Variants in TMEM135 observed in about 807,000 individuals in gnomAD.
The protein encoded by TMEM135 is peroxisomal membrane protein 52.
A neutral mutation model predicts 60.3 loss-of-function variants in TMEM135; 30 were observed. That is an observed-to-expected ratio of 0.50 (90% confidence interval 0.37 to 0.68). The LOEUF is 0.68. TMEM135 is among the 30% of genes least tolerant of loss of function. The probability of loss-of-function intolerance (pLI) is 0.00; values close to 1 mark genes in which losing one functional copy is unlikely to be tolerated. For missense variants in TMEM135, 468 were observed against 548.8 expected, an observed-to-expected ratio of 0.85 and a Z score of 1.47; for synonymous variants, 190 against 186.7, an observed-to-expected ratio of 1.02 and a Z score of -0.14.
chr11:87,053,899 G>A (rs773709194), intron 1 of TMEM135, among the ~76,000 whole-genome samples: 1 of 152,116 alleles, frequency 6.6e-6, no homozygotes, highest in Non-Finnish European at 1.5e-5. Context: ...TTGTGATTGA[G>A]ATTTGTGTAT....
intron 4 of TMEM135, among the ~76,000 whole-genome samples, chr11:87,145,026 C>G (rs1462923995): frequency 2.6e-5 from 4 of 152,002 alleles, no homozygotes; most frequent in African/African-American, 9.7e-5. Context: ...CTGTATTCAC[C>G]ATGTAGTGCA....
At chr11:87,290,084 T>C (rs1942239408) in intron 6 of TMEM135, among the ~76,000 whole-genome samples, 2 of 152,204 alleles carry the variant, frequency 1.3e-5, no homozygotes, top group Non-Finnish European at 2.9e-5. Flanking sequence ...TTTTAAAGAT[T>C]TATAAAGTAC....
At chr11:87,207,093 A>G (rs1283609841) in intron 5 of TMEM135, among the ~76,000 whole-genome samples, 1 of 152,186 alleles carries the variant, frequency 6.6e-6, no homozygotes, top group Non-Finnish European at 1.5e-5. Flanking sequence ...GATTAAACTC[A>G]TTGATGATTA....
At chr11:87,045,272 C>T (rs992709688) in intron 1 of TMEM135, among the ~76,000 whole-genome samples, 16 of 152,130 alleles carry the variant, frequency 1.1e-4, no homozygotes, top group African/African-American at 2.2e-4. Flanking sequence ...CCTTGTGATC[C>T]GCCCGCCTCG....
chr11:87,132,369 T>TA (rs2135233581), intron 4 of TMEM135, among the ~76,000 whole-genome samples: 1 of 152,252 alleles, frequency 6.6e-6, no homozygotes, highest in African/African-American at 2.4e-5. Flanking sequence ...TTATTGTTAT[T>TA]AGAGTTTTGC....
chr11:87,108,277 T>C (rs1452695238), intron 4 of TMEM135, among the ~76,000 whole-genome samples: 13 of 152,192 alleles, frequency 8.5e-5, no homozygotes, highest in Non-Finnish European at 1.8e-4. Flanking sequence ...TTAGATCCCA[T>C]TTATTAATTT....
intron 6 of TMEM135, among the ~76,000 whole-genome samples, chr11:87,247,886 C>G (rs1308561078): frequency 6.6e-6 from 1 of 152,082 alleles, no homozygotes; most frequent in Non-Finnish European, 1.5e-5. Context: ...CTCTCTGGCA[C>G]TCCCTAGTGA....
chr11:87,144,687 C>T (rs1416510424), intron 4 of TMEM135, among the ~76,000 whole-genome samples: 1 of 146,958 alleles, frequency 6.8e-6, no homozygotes, highest in Non-Finnish European at 1.5e-5. Flanking sequence ...TAATGTTTTA[C>T]TGTATGTACT....
chr11:87,084,812 G>A (rs1224221683), intron 3 of TMEM135, among the ~76,000 whole-genome samples: 1 of 152,190 alleles, frequency 6.6e-6, no homozygotes. Context: ...AGTAGAATGG[G>A]AGTATAGGAT....
chr11:87,159,395 GTTCTC>G (rs1938798556), intron 5 of TMEM135, among the ~76,000 whole-genome samples: 1 of 151,784 alleles, frequency 6.6e-6, no homozygotes, highest in Non-Finnish European at 1.5e-5. Context: ...GACTTTTTTG[GTTCTC>G]AGGAAATTTG....
chr11:87,057,986 C>A (rs947593216), intron 1 of TMEM135, among the ~76,000 whole-genome samples: 1 of 152,132 alleles, frequency 6.6e-6, no homozygotes, highest in Non-Finnish European at 1.5e-5. Flanking sequence ...AGTCTGGAAG[C>A]CAGCAGGCTG....
intron 4 of TMEM135, among the ~76,000 whole-genome samples, chr11:87,141,502 C>T (rs921877199): frequency 1.3e-5 from 2 of 152,174 alleles, no homozygotes; most frequent in Non-Finnish European, 2.9e-5. Context: ...TTTCTACCTG[C>T]ACAGTCATGT....
chr11:87,045,889 A>T (rs1398491204), intron 1 of TMEM135, among the ~76,000 whole-genome samples: 1 of 152,228 alleles, frequency 6.6e-6, no homozygotes, highest in Non-Finnish European at 1.5e-5. Context: ...TTGTTTACCA[A>T]GTATTTATTG....
At chr11:87,235,518 A>G (rs951380987) in intron 5 of TMEM135, among the ~76,000 whole-genome samples, 5 of 152,006 alleles carry the variant, frequency 3.3e-5, no homozygotes, top group Non-Finnish European at 5.9e-5. Context: ...CAAAACTACC[A>G]TGCTTTCATC....
At chr11:87,213,307 T>G (rs1052394452) in intron 5 of TMEM135, among the ~76,000 whole-genome samples, 9 of 152,146 alleles carry the variant, frequency 5.9e-5, no homozygotes, top group African/African-American at 2.2e-4. Context: ...ACCATGAAAT[T>G]TTAATAAATG....
intron 4 of TMEM135, among the ~76,000 whole-genome samples, chr11:87,126,540 C>T (rs578184200): frequency 1.7e-4 from 26 of 151,312 alleles, no homozygotes; most frequent in Non-Finnish European, 3.2e-4. Context: ...ATTTAGTTCT[C>T]GCTAAAAATG....
At chr11:87,102,755 T>A (rs911331650) in intron 4 of TMEM135, among the ~76,000 whole-genome samples, 2 of 148,744 alleles carry the variant, frequency 1.3e-5, no homozygotes, top group Non-Finnish European at 3.0e-5. Flanking sequence ...TATGTATATA[T>A]ACAGCATGAA....
At chr11:87,116,509 A>G (rs1033230429) in intron 4 of TMEM135, among the ~76,000 whole-genome samples, 9 of 152,304 alleles carry the variant, frequency 5.9e-5, no homozygotes, top group African/African-American at 1.9e-4. Flanking sequence ...TTGGAAAATT[A>G]TAATTAAATT....
intron 6 of TMEM135, among the ~76,000 whole-genome samples, chr11:87,269,760 T>A (rs993138749): frequency 6.6e-6 from 1 of 151,544 alleles, no homozygotes; most frequent in African/African-American, 2.4e-5. Flanking sequence ...GACATTTGGG[T>A]TGGTTCTAAG....
Sources: allele counts gnomAD v4.1 joint callset (sites outside exome capture counted in the v4.1 genomes callset), GRCh38; gene constraint gnomAD v4.1.1; transcripts MANE v1.5; gene names NCBI Gene and HGNC (gene_info 2026-07-23, HGNC 2026-07-21).